UBAP2: variants seen among roughly 807,000 people sequenced by gnomAD.
UBAP2 encodes the protein ubiquitin associated protein 2, also known as ubiquitin-associated protein 2.
UBAP2 carries 75 observed loss-of-function variants against 139.6 expected under a neutral mutation model. The observed-to-expected ratio is 0.54, with a 90% CI of 0.45 to 0.65. The LOEUF (loss-of-function observed/expected upper bound fraction) is 0.65, where lower values mean the gene tolerates loss of function less well. UBAP2 is among the 30% of genes least tolerant of loss of function. The probability of loss-of-function intolerance (pLI) is 0.00; values close to 1 mark genes in which losing one functional copy is unlikely to be tolerated. For missense variants in UBAP2, 1,368 were observed against 1,369.6 expected (o/e 1.00, Z 0.02); for synonymous variants, 526 against 526.2 (o/e 1.00, Z 0.01).
intron 1 of UBAP2, among the ~76,000 whole-genome samples, chr9:34,036,251 G>T (rs918150758): frequency 6.6e-6 from 1 of 151,556 alleles, no homozygotes; most frequent in African/African-American, 2.4e-5. Flanking sequence ...CAAGTAGCTG[G>T]GGTTACAGGC....
chr9:33,989,471 G>C (rs1821513691), intron 4 of UBAP2, among the ~76,000 whole-genome samples: 1 of 151,992 alleles, frequency 6.6e-6, no homozygotes, highest in South Asian at 2.1e-4. Context: ...AAAGTGCTGG[G>C]ATTACAGGCG....
At chr9:33,972,398 A>G (rs763643242) in intron 7 of UBAP2, among the ~76,000 whole-genome samples, 1 of 152,222 alleles carries the variant, frequency 6.6e-6, no homozygotes, top group African/African-American at 2.4e-5. Flanking sequence ...AGTGCTCCTG[A>G]GAGTTTGCTC....
At chr9:34,019,409 G>A (rs1412748655) in intron 1 of UBAP2, among the ~76,000 whole-genome samples, 1 of 151,594 alleles carries the variant, frequency 6.6e-6, no homozygotes, top group African/African-American at 2.4e-5. Flanking sequence ...GGGGCAAGGG[G>A]TAAAAAAAAA....
intron 11 of UBAP2, among the ~76,000 whole-genome samples, chr9:33,954,273 C>CACACACACACACACAA (rs1826361364): frequency 6.9e-6 from 1 of 145,186 alleles, no homozygotes; most frequent in African/African-American, 2.6e-5. Flanking sequence ...TGTATATACA[C>CACACACACACACACAA]ACACACACAC....
At chr9:33,941,915 T>TAA (rs33950531) in intron 15 of UBAP2, 53 bp from the exon 16 acceptor site, 8,961 of 990,522 alleles carry the variant, frequency 9.0e-3, no homozygotes, top group Non-Finnish European at 0.01. Context: ...AATAGCTTCA[T>TAA]AAAAAAAAAA....
chr9:34,040,323 C>CAAAAAAA (rs56317641), intron 1 of UBAP2, among the ~76,000 whole-genome samples: 8 of 88,864 alleles, frequency 9.0e-5, no homozygotes, highest in African/African-American at 3.3e-4. Flanking sequence ...GACTCTGTCT[C>CAAAAAAA]AAAAAAAAAA....
rs1176564181 is a variant in UBAP2 at position 33,927,893 on chromosome 9, ACAGGCTGG to A, written c.2267_2274del (p.Ala756ValfsTer3). ...CTGTTCGCGGTGTTCATGCTACTGG[ACAGGCTGG>A]CGCCTGAGGATGCGGAACTTGAGAC... On this transcript the variant is annotated frameshift_variant, in exon 20 of 29. Transcript: ENST00000379238. LOFTEE classifies it high-confidence loss of function. 1.2e-6 allele frequency: 2 copies of A among 1,614,022 alleles called. No homozygotes were observed. Among genetic ancestry groups the A allele is most frequent in the Admixed American group, 3.3e-5 (2 of 60,002 alleles).
intron 24 of UBAP2, 25 bp downstream of exon 24, chr9:33,923,770 C>T: frequency 6.2e-7 from 1 of 1,610,968 alleles, no homozygotes; most frequent in Non-Finnish European, 8.5e-7. Context: ...CCAGGAGACA[C>T]AGTCACACCC....
At chr9:34,006,238 G>GAAAA (rs796874509) in intron 2 of UBAP2, among the ~76,000 whole-genome samples, 1 of 81,940 alleles carries the variant, frequency 1.2e-5, no homozygotes, top group African/African-American at 4.2e-5. Flanking sequence ...ATCTCAAAAA[G>GAAAA]AAAAAAAAAA....
At chr9:34,017,017 G>GAAAAAAAAAAAAAAAAAAGAA in intron 2 of UBAP2, 33 bp downstream of exon 2, 1 of 1,255,324 alleles carries the variant, frequency 8.0e-7, no homozygotes, top group East Asian at 2.7e-5. Context: ...GAAAAAAAAG[G>GAAAAAAAAAAAAAAAAAAGAA]AAAAAAAAAA....
chr9:33,964,503 C>A (rs1489770943), intron 8 of UBAP2, among the ~76,000 whole-genome samples: 1 of 152,052 alleles, frequency 6.6e-6, no homozygotes, highest in Non-Finnish European at 1.5e-5. Flanking sequence ...GGCTTCAAAG[C>A]CATGGAAGCC....
chr9:34,037,903 C>A (rs181918552), intron 1 of UBAP2, among the ~76,000 whole-genome samples: 6 of 150,522 alleles, frequency 4.0e-5, no homozygotes, highest in Admixed American at 6.7e-5. Context: ...CAGCTGCTCA[C>A]GCCTATAATC....
intron 12 of UBAP2, among the ~76,000 whole-genome samples, chr9:33,952,562 A>G: frequency 6.6e-6 from 1 of 152,200 alleles, no homozygotes; most frequent in East Asian, 1.9e-4. Context: ...GCAGACTCAG[A>G]CTGTTTTTAC....
intron 17 of UBAP2, chr9:33,935,230 A>G: frequency 6.6e-6 from 1 of 150,820 alleles, no homozygotes; most frequent in Non-Finnish European, 1.5e-5. Context: ...TCTAAGCAAC[A>G]GTCCTTCAGG....
chr9:34,019,364 C>T (rs1465087736), intron 1 of UBAP2, among the ~76,000 whole-genome samples: 1 of 152,044 alleles, frequency 6.6e-6, no homozygotes, highest in African/African-American at 2.4e-5. Flanking sequence ...GGTAGTGCCA[C>T]TGCACTCCAG....
intron 6 of UBAP2, among the ~76,000 whole-genome samples, chr9:33,981,580 C>G (rs1206041419): frequency 6.6e-6 from 1 of 151,414 alleles, no homozygotes; most frequent in East Asian, 1.9e-4. Flanking sequence ...TCTTGAACTC[C>G]TGAGCTCAAG....
chr9:33,996,434 G>A (rs998463169), intron 3 of UBAP2, 101 bp from the exon 4 acceptor site: 10 of 782,984 alleles, frequency 1.3e-5, no homozygotes, highest in South Asian at 1.1e-4. Flanking sequence ...CCTTCTACAT[G>A]AAGATGGCCT....
At chr9:33,990,572 C>G (rs986072745) in intron 4 of UBAP2, among the ~76,000 whole-genome samples, 1 of 151,498 alleles carries the variant, frequency 6.6e-6, no homozygotes, top group South Asian at 2.1e-4. Flanking sequence ...TATTATCATA[C>G]AGTTCTGGTG....
At chr9:33,959,566 T>G (rs1196064776) in intron 10 of UBAP2, among the ~76,000 whole-genome samples, 1 of 152,216 alleles carries the variant, frequency 6.6e-6, no homozygotes, top group East Asian at 1.9e-4. Context: ...TTTATGGTAT[T>G]GGGTTATTTA....
Sources: allele counts gnomAD v4.1 joint callset (sites outside exome capture counted in the v4.1 genomes callset), GRCh38; gene constraint gnomAD v4.1.1; transcripts MANE v1.5; gene names NCBI Gene and HGNC (gene_info 2026-07-23, HGNC 2026-07-21).